Variants in ACBD7 observed in about 807,000 individuals in gnomAD.
ACBD7 encodes the protein acyl-CoA-binding domain-containing protein 7.
In ACBD7, 11 loss-of-function variants were observed where a neutral mutation model predicts 13.7. That is an observed-to-expected ratio of 0.80 (90% CI 0.50 to 1.33). The LOEUF (loss-of-function observed/expected upper bound fraction) is 1.33. ACBD7 is among the 40% of genes most tolerant of loss of function. ACBD7 has a pLI of 0.00. For synonymous variants in ACBD7, 43 were observed against 37.7 expected, an observed-to-expected ratio of 1.14 and a Z score of -0.51; for missense variants, 111 against 103.0, an observed-to-expected ratio of 1.08 and a Z score of -0.33.
intron 1 of ACBD7, among the ~76,000 whole-genome samples, chr10:15,086,928 G>A (rs367586211): frequency 6.6e-6 from 1 of 151,706 alleles, no homozygotes; most frequent in Admixed American, 6.6e-5. Flanking sequence ...CAGGAGAATC[G>A]GTTGAACCCA....
At chr10:15,087,718 C>A (rs529539381) in intron 1 of ACBD7, among the ~76,000 whole-genome samples, 1 of 151,524 alleles carries the variant, frequency 6.6e-6, no homozygotes, top group Non-Finnish European at 1.5e-5. Flanking sequence ...GCGGAGGTTG[C>A]GGTGAGCTGA....
At position 15,088,744 on chromosome 10, in the gene ACBD7, G is replaced by A. The variant is rs1052462217; in HGVS notation, c.-16C>T. 22 of 1,598,354 alleles carry A rather than the reference G, an allele frequency of 1.4e-5. No homozygotes were observed. Among genetic ancestry groups the A allele is most frequent in the Non-Finnish European group, 1.9e-5 (22 of 1,175,266 alleles). ...GCAGGGCCATGGTGGCGGCTGCCGC[G>A]TTGTTGCTGCTGCTGTTGTCGTCCG... On this transcript the variant is annotated 5_prime_UTR_variant, in exon 1 of 4. It adds an upstream start codon to the 5' untranslated region. Coordinates refer to ENST00000356189, the MANE Select transcript of ACBD7 (RefSeq NM_001039844.3).
At chr10:15,080,196 T>C (rs1434733701) in intron 1 of ACBD7, among the ~76,000 whole-genome samples, 2 of 151,976 alleles carry the variant, frequency 1.3e-5, no homozygotes, top group Admixed American at 6.6e-5. Context: ...AAAAGAGGAG[T>C]TGTTTAGCCA....
At position 15,077,119 on chromosome 10, in the gene ACBD7, A is replaced by C. The variant is rs769501138; in HGVS notation, c.*1411T>G. Reference sequence around the variant, plus strand: ...TAAAGGAAAATAAATCATTCTATCCAAAAGATACCTGCACTTGTATATCTA... The same window carrying C: ...TAAAGGAAAATAAATCATTCTATCCCAAAGATACCTGCACTTGTATATCTA... On this transcript the variant is annotated 3_prime_UTR_variant, in exon 4 of 4. Coordinates refer to ENST00000356189, the MANE Select transcript of ACBD7 (RefSeq NM_001039844.3). 6.6e-6 allele frequency among the ~76,000 whole-genome samples: 1 copy of C among 152,186 alleles called. No individual in the cohort carries two copies. Among genetic ancestry groups the C allele is most frequent in the African/African-American group, 2.4e-5 (1 of 41,454 alleles).
intron 1 of ACBD7, among the ~76,000 whole-genome samples, chr10:15,083,757 A>C (rs1844776073): frequency 6.6e-6 from 1 of 152,254 alleles, no homozygotes; most frequent in Non-Finnish European, 1.5e-5. Flanking sequence ...TGCTGGGATT[A>C]CAGGCGTGAG....
In ACBD7 at chr10:15,078,943, A is replaced by C. The variant is rs151285977; in HGVS notation, c.110T>G (p.Ile37Arg). Reference protein sequence around the residue: ...KELYGLYKQAIVGDINIACPG... With the variant: ...KELYGLYKQARVGDINIACPG... ...AATACCAATATTAATGTCTCCAACT[A>C]TTGCTTGTTTGTAAAGCCCATAGAG... is the stretch of plus-strand genomic sequence containing the variant. The change falls in exon 2 of 4, where the codon ATA (isoleucine) becomes AGA (arginine). Residue 37 changes from isoleucine (I) to arginine (R), a missense_variant. Transcript: ENST00000356189. 4,351 of 1,569,644 alleles carry C rather than the reference A, an allele frequency of 2.8e-3. 18 individuals are homozygous for C. The highest frequency in any genetic ancestry group is 3.4e-3 in the Non-Finnish European group (3,925 of 1,155,804).
Position 15,078,773 on chromosome 10 carries a change from T to G in ACBD7, c.131-20A>C, listed in dbSNP as rs374799755. ...GACACGCTGGCAAAAGAAGGAGACATGCATTTGCAGGTTAACATTTTACTG... is the reference window on the plus strand; with the variant it reads ...GACACGCTGGCAAAAGAAGGAGACAGGCATTTGCAGGTTAACATTTTACTG... On this transcript the variant is annotated intron_variant, in intron 2 of 3. Coordinates refer to ENST00000356189, the MANE Select transcript of ACBD7 (RefSeq NM_001039844.3). The G allele has an allele frequency of 6.2e-7, 1 of 1,612,834 alleles. No individual in the cohort carries two copies. The highest frequency in any genetic ancestry group is 8.5e-7 in the Non-Finnish European group (1 of 1,179,352).
intron 1 of ACBD7, among the ~76,000 whole-genome samples, chr10:15,087,553 G>C (rs1053021967): frequency 1.1e-4 from 16 of 150,862 alleles, no homozygotes; most frequent in Admixed American, 7.9e-4. Flanking sequence ...AAGGCGGGTG[G>C]ATCACTTGAG....
intron 1 of ACBD7, among the ~76,000 whole-genome samples, chr10:15,087,372 C>A (rs11259473): frequency 6.6e-6 from 1 of 152,196 alleles, no homozygotes; most frequent in Admixed American, 6.5e-5. Context: ...CACATTTGAA[C>A]CCAGATGGCC....
intron 1 of ACBD7, 179 bp downstream of exon 1, chr10:15,088,538 T>A: frequency 1.2e-6 from 1 of 869,188 alleles, no homozygotes; most frequent in Non-Finnish European, 1.6e-6. Context: ...GAGCCCTGGC[T>A]CGCCGTCAGC....
chr10:15,084,065 A>C (rs1844780316), intron 1 of ACBD7, among the ~76,000 whole-genome samples: 1 of 152,178 alleles, frequency 6.6e-6, no homozygotes, highest in African/African-American at 2.4e-5. Context: ...GAACGGAAAA[A>C]GCCATCCCTG....
rs951293442 is a variant in ACBD7 at position 15,078,839 on chromosome 10, T to A, written c.130+84A>T. ...ATTGTTCAAACGGAGTATATTACTATATTTTAAGTAATTATATATTATAAT... is the reference window on the plus strand; with the variant it reads ...ATTGTTCAAACGGAGTATATTACTAAATTTTAAGTAATTATATATTATAAT... On this transcript the variant is annotated intron_variant, in intron 2 of 3. Coordinates refer to ENST00000356189, the MANE Select transcript of ACBD7 (RefSeq NM_001039844.3). 8.4e-6 allele frequency: 11 copies of A among 1,314,260 alleles called. No homozygotes were observed. The East Asian group carries it at 2.9e-4, about 34-fold the overall frequency. 81.4% of individuals were successfully genotyped at this position (1,314,260 alleles called of 1,614,324 possible).
chr10:15,080,804 C>T (rs1844741453), intron 1 of ACBD7, among the ~76,000 whole-genome samples: 1 of 152,156 alleles, frequency 6.6e-6, no homozygotes, highest in African/African-American at 2.4e-5. Context: ...CTACAAAGAG[C>T]TTTGTGATTA....
chr10:15,078,996 T>C lies in ACBD7; in HGVS notation c.57A>G (p.Ala19=), dbSNP rs1237463896. 6.2e-7 allele frequency: 1 copy of C among 1,609,668 alleles called. No individual in the cohort carries two copies. Among genetic ancestry groups the C allele is most frequent in the South Asian group, 1.1e-5 (1 of 90,474 alleles). ...CTTTCAGTTCTCCATCATCTGGTCT[T>C]GCTTTCAGCTTCCTCACATCTTCTG... The part of the protein sequence containing the change: ...RAAEDVRKLK[A]RPDDGELKEL... Residue 19 remains alanine, a synonymous_variant, in exon 2 of 4, where the codon GCA becomes GCG. Coordinates refer to ENST00000356189, the MANE Select transcript of ACBD7 (RefSeq NM_001039844.3).
chr10:15,078,696 T>C lies in ACBD7; in HGVS notation c.188A>G (p.Lys63Arg), dbSNP rs779209745. 18 of 1,614,060 alleles carry C rather than the reference T, an allele frequency of 1.1e-5. No individual in the cohort carries two copies. Among genetic ancestry groups the C allele is most frequent in the Middle Eastern group, 1.6e-4 (1 of 6,062 alleles). The part of the protein sequence containing the change: ...GKAKWEAWNL[K>R]KGLSTEDATS... ...CTTGTGAAAGACTAAAAAACCTTTT[T>C]TGAGGTTCCATGCTTCCCATTTGGC... Residue 63 changes from lysine to arginine, a missense_variant, in exon 3 of 4, where the codon AAA (lysine) becomes AGA (arginine). Transcript: ENST00000356189.
intron 1 of ACBD7, among the ~76,000 whole-genome samples, chr10:15,081,779 T>G (rs1844752970): frequency 6.6e-6 from 1 of 152,168 alleles, no homozygotes; most frequent in South Asian, 2.1e-4. Flanking sequence ...AAGTTGGAGA[T>G]CAGGGTCTTC....
intron 1 of ACBD7, 81 bp downstream of exon 1, chr10:15,088,636 C>T (rs1844837322): frequency 5.2e-6 from 8 of 1,542,662 alleles, no homozygotes; most frequent in Middle Eastern, 1.9e-4. Flanking sequence ...CTCCCAGGGG[C>T]GCCAAGCCCA....
chr10:15,076,603 A>C lies in ACBD7; in HGVS notation c.*1927T>G. On this transcript the variant is annotated 3_prime_UTR_variant, in exon 4 of 4. Coordinates refer to ENST00000356189, the MANE Select transcript of ACBD7 (RefSeq NM_001039844.3). ...CTGCAACCTCCATCTCCTGGGTAAAAGCAATTCTCCTGCCTCAGCCTCCCA... is the reference window on the plus strand; with the variant it reads ...CTGCAACCTCCATCTCCTGGGTAAACGCAATTCTCCTGCCTCAGCCTCCCA... 1 of 663,080 alleles carries C rather than the reference A, an allele frequency of 1.5e-6. No individual in the cohort carries two copies. Among genetic ancestry groups the C allele is most frequent in the African/African-American group, 2.0e-5 (1 of 50,720 alleles). 41.1% of individuals were successfully genotyped at this position (663,080 alleles called of 1,614,324 possible).
chr10:15,078,661 T>G, intron 3 of ACBD7, 30 bp downstream of exon 3: 1 of 1,614,088 alleles, frequency 6.2e-7, no homozygotes, highest in African/African-American at 1.3e-5. Context: ...TTAAGAAAGT[T>G]TGCTTTAAAC....
Sources: allele counts gnomAD v4.1 joint callset (sites outside exome capture counted in the v4.1 genomes callset), GRCh38; gene constraint gnomAD v4.1.1; transcripts MANE v1.5; gene names NCBI Gene and HGNC (gene_info 2026-07-23, HGNC 2026-07-21).